PRRC2C: variants seen among roughly 807,000 people sequenced by gnomAD.
PRRC2C encodes protein PRRC2C.
PRRC2C carries 72 observed loss-of-function variants against 317.2 expected under a neutral mutation model. That is an observed-to-expected ratio of 0.23 (90% CI 0.19 to 0.28). The LOEUF (loss-of-function observed/expected upper bound fraction) is 0.28. Ranked by LOEUF, PRRC2C falls within the 10% of genes least tolerant of loss-of-function variation. The pLI is 1.00. For missense variants in PRRC2C, 3,074 were observed against 3,459.7 expected, an observed-to-expected ratio of 0.89 and a Z score of 2.80; for synonymous variants, 1,296 against 1,205.9, an observed-to-expected ratio of 1.07 and a Z score of -1.55.
At chr1:171,588,144 T>A (rs1318389337) in intron 32 of PRRC2C, among the ~76,000 whole-genome samples, 2 of 151,970 alleles carry the variant, frequency 1.3e-5, no homozygotes, top group Non-Finnish European at 2.9e-5. Context: ...GGCTAATTTT[T>A]AAAAAAATAT....
At chr1:171,574,651 G>A (rs892161614) in intron 24 of PRRC2C, among the ~76,000 whole-genome samples, 1 of 152,116 alleles carries the variant, frequency 6.6e-6, no homozygotes, top group African/African-American at 2.4e-5. Flanking sequence ...ATTTACTGGG[G>A]GAAGGCCTTT....
At chr1:171,486,425 A>G (rs975551648) in intron 1 of PRRC2C, among the ~76,000 whole-genome samples, 6 of 151,944 alleles carry the variant, frequency 3.9e-5, no homozygotes, top group African/African-American at 1.5e-4. Flanking sequence ...GATAGCGTTG[A>G]TATTGGTGGT....
chr1:171,533,840 C>A (rs1326366559), intron 12 of PRRC2C, among the ~76,000 whole-genome samples: 1 of 152,092 alleles, frequency 6.6e-6, no homozygotes. Context: ...GCTAGCATAG[C>A]CTCAATCTCT....
intron 1 of PRRC2C, among the ~76,000 whole-genome samples, chr1:171,496,173 G>A (rs903318677): frequency 8.4e-6 from 1 of 118,430 alleles, no homozygotes; most frequent in African/African-American, 3.4e-5. Flanking sequence ...CCCCCTTTAC[G>A]ATTTTTAGAG....
Position 171,535,537 on chromosome 1 carries a change from A to G in PRRC2C, c.1983A>G (p.Val661=). ...CAGGGTCTCAACCTCGGCCGGCTGTATTATCTGGCTATTTCAAACAGTTTC... is the reference window on the plus strand; with the variant it reads ...CAGGGTCTCAACCTCGGCCGGCTGTGTTATCTGGCTATTTCAAACAGTTTC... The part of the protein sequence containing the change: ...PESGSQPRPA[V]LSGYFKQFQK... The change falls in exon 13 of 35, where the codon GTA becomes GTG. Residue 661 remains valine (V), a synonymous_variant. Coordinates refer to ENST00000647382, the MANE Select transcript of PRRC2C (RefSeq NM_001387844.1). The G allele has an allele frequency of 6.2e-7, 1 of 1,614,034 alleles. No homozygotes were observed. Among genetic ancestry groups the G allele is most frequent in the East Asian group, 2.2e-5 (1 of 44,888 alleles).
intron 1 of PRRC2C, among the ~76,000 whole-genome samples, chr1:171,506,794 A>G (rs1168116386): frequency 2.0e-5 from 3 of 151,582 alleles, no homozygotes; most frequent in Non-Finnish European, 2.9e-5. Context: ...CAGTGTGTCT[A>G]AAATGCTAGT....
intron 19 of PRRC2C, among the ~76,000 whole-genome samples, chr1:171,558,373 A>G (rs541848841): frequency 6.0e-4 from 31 of 52,084 alleles, no homozygotes; most frequent in East Asian, 8.7e-4. Context: ...ATAATAGGCA[A>G]TGTTTGGGGG....
At chr1:171,493,929 C>T (rs181159440) in intron 1 of PRRC2C, among the ~76,000 whole-genome samples, 2 of 152,282 alleles carry the variant, frequency 1.3e-5, no homozygotes, top group Non-Finnish European at 2.9e-5. Context: ...GCTTTATACA[C>T]ACTTTGTTAA....
rs147576374 is a variant in PRRC2C, at chr1:171,524,881, T to C, written c.1116T>C (p.Val372=). 186 of 1,607,794 alleles carry C rather than the reference T, an allele frequency of 1.2e-4. No individual in the cohort carries two copies. Among genetic ancestry groups the C allele is most frequent in the Non-Finnish European group, 1.5e-4 (175 of 1,176,754 alleles). ...AAAACAAAAAAGAAACAGATGAAGT[T>C]TCCAACACTAAATCATCTTCCCAAA... ...NNENKKETDE[V]SNTKSSSQIP... is the part of the protein sequence containing the mutation. Residue 372 remains valine, a synonymous_variant, in exon 10 of 35, where the codon GTT becomes GTC. Transcript: ENST00000647382.
Position 171,583,937 on chromosome 1 carries a change from C to A in PRRC2C, c.7410-19C>A, listed in dbSNP as rs756001222. On this transcript the variant is annotated intron_variant, in intron 28 of 34. Transcript: ENST00000647382. Reference sequence around the variant, plus strand: ...TGAAATTAACTTCTAACAATATTTTCTCTTTAATCCTTATGTAGATCTCAG... The same window carrying A: ...TGAAATTAACTTCTAACAATATTTTATCTTTAATCCTTATGTAGATCTCAG... 1.9e-6 allele frequency: 3 copies of A among 1,579,208 alleles called. No homozygotes were observed. Among genetic ancestry groups the A allele is most frequent in the South Asian group, 2.3e-5 (2 of 88,672 alleles).
intron 11 of PRRC2C, among the ~76,000 whole-genome samples, 172 bp from the exon 12 acceptor site, chr1:171,532,171 G>A (rs1191591889): frequency 6.6e-6 from 1 of 152,176 alleles, no homozygotes. Context: ...TCTTAGTTTG[G>A]TGAATTATCT....
chr1:171,561,116 T>C lies in PRRC2C; in HGVS notation c.6117+13T>C. On this transcript the variant is annotated intron_variant, in intron 20 of 34. Transcript: ENST00000647382. ...TCCTTCATCAGAGGTAAGAATAGGC[T>C]TTTAACAGCATAGGTGTGCTGGATT... The C allele has an allele frequency of 1.3e-6, 2 of 1,557,300 alleles. No individual in the cohort carries two copies. Among genetic ancestry groups the C allele is most frequent in the South Asian group, 1.1e-5 (1 of 89,852 alleles).
intron 25 of PRRC2C, among the ~76,000 whole-genome samples, chr1:171,577,227 A>G (rs898703323): frequency 6.6e-6 from 1 of 152,006 alleles, no homozygotes; most frequent in Non-Finnish European, 1.5e-5. Flanking sequence ...TCTGTTGTTT[A>G]TTGTTCCATA....
intron 1 of PRRC2C, among the ~76,000 whole-genome samples, chr1:171,498,675 T>C (rs185433253): frequency 6.6e-6 from 1 of 152,368 alleles, no homozygotes; most frequent in African/African-American, 2.4e-5. Context: ...CTCTAATCTC[T>C]GATTCAGTCC....
At chr1:171,551,823 C>G (rs1182447559) in intron 18 of PRRC2C, among the ~76,000 whole-genome samples, 1 of 152,086 alleles carries the variant, frequency 6.6e-6, no homozygotes, top group Non-Finnish European at 1.5e-5. Flanking sequence ...TGGTCTGTAT[C>G]TCTGTTTTGG....
In PRRC2C at chr1:171,593,006, A is replaced by G. The variant is rs1651709693; in HGVS notation, c.*1159A>G. 1 of 152,038 alleles carries G rather than the reference A, an allele frequency of 6.6e-6. No individual in the cohort carries two copies. The highest frequency in any genetic ancestry group is 2.1e-4 in the South Asian group (1 of 4,828). The allele number at this position is 152,038 out of a possible 1,614,324, so 9.4% of individuals were successfully genotyped here. On this transcript the variant is annotated 3_prime_UTR_variant, in exon 35 of 35. Transcript: ENST00000647382. ...CCGTGCTTTATCAGAGCTGTTTTTA[A>G]TGATGTTATTCTAGAATGTTTTCTT... is the stretch of plus-strand genomic sequence containing the variant.
At position 171,566,873 on chromosome 1, in the gene PRRC2C, A is replaced by G. The variant is rs773624799; in HGVS notation, c.6558+30A>G. The G allele has an allele frequency of 1.1e-5, 18 of 1,578,610 alleles. No individual in the cohort carries two copies. The South Asian group carries it at 2.0e-4, about 17-fold the overall frequency. ...GCCACATGTAGGGATTACCAGTTCA[A>G]CAGATGCAAGCCATGTCTAAAATGA... is the stretch of plus-strand genomic sequence containing the variant. On this transcript the variant is annotated intron_variant, in intron 22 of 34. Coordinates refer to ENST00000647382, the MANE Select transcript of PRRC2C (RefSeq NM_001387844.1).
Position 171,524,948 on chromosome 1 carries a change from G to A in PRRC2C, c.1183G>A (p.Gly395Arg). Residue 395 changes from glycine (G) to arginine (R), a missense_variant, in exon 10 of 35, where the codon GGA becomes AGA. Around this residue, in one of 11 missense-constraint regions of PRRC2C, gnomAD observed 1,320 missense variants for 1,395.7 expected, o/e 0.95. Transcript: ENST00000647382. ...PSVAKVPYGK[G>R]PSFNQERGTS... ...AGTAGCAAAAGTTCCCTATGGGAAA[G>A]GACCTTCATTTAATCAGGTTTGTTG... The A allele has an allele frequency of 1.2e-6, 2 of 1,606,980 alleles. No individual in the cohort carries two copies. The highest frequency in any genetic ancestry group is 1.7e-6 in the Non-Finnish European group (2 of 1,176,582).
Position 171,589,392 on chromosome 1 carries a change from C to T in PRRC2C, c.8223C>T (p.Val2741=). The change falls in exon 34 of 35, where the codon GTC becomes GTT. Residue 2741 remains valine, a synonymous_variant. Transcript: ENST00000647382. ...AGATTCTCTCCCAGCCTAACCTGGT[C>T]CCTCCATTGGTAAGAGCCCCACATA... ...APQILSQPNL[V]PPLVRAPHTN... is the part of the protein sequence containing the mutation. The T allele has an allele frequency of 7.8e-7, 1 of 1,287,998 alleles. No homozygotes were observed. 79.8% of individuals were successfully genotyped at this position (1,287,998 alleles called of 1,614,324 possible). A position where few individuals can be genotyped will look rare whatever the true frequency, so the allele number is the denominator to read the frequency against.
Sources: gnomAD v4.1 joint callset for allele counts (sites outside exome capture counted in the v4.1 genomes callset) on GRCh38, gnomAD v4.1.1 for gene constraint, gnomAD v4.1.1 regional missense constraint, MANE v1.5 for transcripts, NCBI Gene and HGNC (gene_info 2026-07-23, HGNC 2026-07-21) for gene names.